GLIPR1L2: variants seen among roughly 807,000 people sequenced by gnomAD.
The protein encoded by GLIPR1L2 is GLIPR1-like protein 2.
Under a neutral mutation model 28.4 loss-of-function variants are expected in GLIPR1L2, and 21 were observed. That is an observed-to-expected ratio of 0.74 (90% CI 0.52 to 1.06). The LOEUF is 1.06. Among genes scored for constraint, GLIPR1L2 ranks in the 50% least tolerant of loss-of-function variants. The probability of loss-of-function intolerance (pLI) is 0.00; values close to 1 mark genes in which losing one functional copy is unlikely to be tolerated. For synonymous variants in GLIPR1L2, 145 were observed against 139.3 expected, an observed-to-expected ratio of 1.04 and a Z score of -0.29; for missense variants, 476 against 416.9, an observed-to-expected ratio of 1.14 and a Z score of -1.23.
intron 1 of GLIPR1L2, among the ~76,000 whole-genome samples, chr12:75,396,884 T>G (rs1331550010): frequency 6.6e-6 from 1 of 152,238 alleles, no homozygotes; most frequent in Non-Finnish European, 1.5e-5. Context: ...TTTAAATATT[T>G]TATATTTGCT....
At chr12:75,404,887 T>C (rs1232630507) in intron 1 of GLIPR1L2, among the ~76,000 whole-genome samples, 1 of 150,562 alleles carries the variant, frequency 6.6e-6, no homozygotes, top group Admixed American at 6.6e-5. Context: ...ATTAAATTAA[T>C]AGATATTCAT....
intron 1 of GLIPR1L2, 113 bp from the exon 2 acceptor site, chr12:75,410,321 C>T: frequency 1.0e-6 from 1 of 997,686 alleles, no homozygotes; most frequent in East Asian, 2.8e-5. Flanking sequence ...CCAAGATGCA[C>T]AAGTACAAAG....
chr12:75,429,416 T>C (rs2046067963), intron 4 of GLIPR1L2, among the ~76,000 whole-genome samples: 1 of 152,218 alleles, frequency 6.6e-6, no homozygotes, highest in Non-Finnish European at 1.5e-5. Context: ...TGTACCTTCA[T>C]TGTATCTTAG....
At position 75,422,963 on chromosome 12, in the gene GLIPR1L2, G is replaced by A. The variant is rs147932988; in HGVS notation, c.644G>A (p.Arg215His). The A allele has an allele frequency of 1.2e-5, 19 of 1,612,872 alleles. No homozygotes were observed. Among genetic ancestry groups the A allele is most frequent in the Admixed American group, 5.0e-5 (3 of 59,898 alleles). ...ATATTTTGTACTCGATGTGGCAGAC[G>A]TGACAAATGCACAGATTTTCTATGC... is the stretch of plus-strand genomic sequence containing the variant. ...PGIFCTRCGR[R>H]DKCTDFLCSN... Residue 215 changes from arginine (R) to histidine (H), a missense_variant, in exon 4 of 6, where the codon CGT (arginine) becomes CAT (histidine). Coordinates refer to ENST00000550916, the MANE Select transcript of GLIPR1L2 (RefSeq NM_001270396.2).
At position 75,431,855 on chromosome 12, in the gene GLIPR1L2, GATAAA is replaced by G. The variant is rs1337817646; in HGVS notation, c.*700_*704del. On this transcript the variant is annotated 3_prime_UTR_variant, in exon 6 of 6. Transcript: ENST00000550916. The stretch of plus-strand genomic sequence containing the variant: ...AATCTGGGTGCTTCCAAATTTATAT[GATAAA>G]ATAAATAAATTTTTTAAAAACTATT... 3.9e-5 allele frequency: 6 copies of G among 151,922 alleles called. No individual in the cohort carries two copies. The highest frequency in any genetic ancestry group is 1.4e-4 in the African/African-American group (6 of 41,382). 9.4% of individuals were successfully genotyped at this position (151,922 alleles called of 1,614,324 possible).
chr12:75,400,370 C>T (rs777188284), intron 1 of GLIPR1L2, among the ~76,000 whole-genome samples: 1 of 152,192 alleles, frequency 6.6e-6, no homozygotes, highest in Non-Finnish European at 1.5e-5. Flanking sequence ...GATCCTCCCG[C>T]CTTGGCCTCC....
chr12:75,418,056 A>C (rs973648835), intron 3 of GLIPR1L2, among the ~76,000 whole-genome samples: 3 of 152,060 alleles, frequency 2.0e-5, no homozygotes, highest in Non-Finnish European at 4.4e-5. Flanking sequence ...AAGACCTTTC[A>C]TTTAGTTAAA....
chr12:75,400,952 A>C (rs988110519), intron 1 of GLIPR1L2, among the ~76,000 whole-genome samples: 1 of 151,902 alleles, frequency 6.6e-6, no homozygotes, highest in African/African-American at 2.4e-5. Context: ...TTTGTTATTT[A>C]ATCATATGTA....
chr12:75,392,992 C>G (rs1431191647), intron 1 of GLIPR1L2, among the ~76,000 whole-genome samples: 1 of 151,910 alleles, frequency 6.6e-6, no homozygotes, highest in Non-Finnish European at 1.5e-5. Context: ...GTTTCTTTAG[C>G]AGATTTGGAC....
intron 2 of GLIPR1L2, among the ~76,000 whole-genome samples, chr12:75,411,057 ATTGT>A (rs2045861908): frequency 6.6e-6 from 1 of 151,838 alleles, no homozygotes; most frequent in South Asian, 2.1e-4. Flanking sequence ...TGTATAGCTG[ATTGT>A]TTAAAACATT....
chr12:75,391,140 C>T lies in GLIPR1L2; in HGVS notation c.24C>T (p.Ala8=), dbSNP rs962951287. The change falls in exon 1 of 6, where the codon GCC becomes GCT. Residue 8 remains alanine (A), a synonymous_variant. Coordinates refer to ENST00000550916, the MANE Select transcript of GLIPR1L2 (RefSeq NM_001270396.2). The stretch of plus-strand genomic sequence containing the variant: ...CCATGGAGGCCGCAAGGCCCTTCGC[C>T]CGGGAGTGGAGGGCCCAGTCCCTAC... MEAARPF[A]REWRAQSLPL... 3.7e-6 allele frequency: 6 copies of T among 1,613,738 alleles called. No individual in the cohort carries two copies. The highest frequency in any genetic ancestry group is 1.1e-5 in the South Asian group (1 of 91,086).
chr12:75,397,128 C>T (rs1356422156), intron 1 of GLIPR1L2, among the ~76,000 whole-genome samples: 1 of 152,104 alleles, frequency 6.6e-6, no homozygotes, highest in African/African-American at 2.4e-5. Context: ...TCCATTTTCT[C>T]CCTACAGTCC....
intron 1 of GLIPR1L2, among the ~76,000 whole-genome samples, chr12:75,396,147 C>T (rs2045679558): frequency 6.6e-6 from 1 of 151,804 alleles, no homozygotes; most frequent in Non-Finnish European, 1.5e-5. Flanking sequence ...GAGTGTGTTG[C>T]TTAGCATTAT....
chr12:75,395,750 C>G (rs984996168), intron 1 of GLIPR1L2, among the ~76,000 whole-genome samples: 1 of 151,850 alleles, frequency 6.6e-6, no homozygotes, highest in Non-Finnish European at 1.5e-5. Flanking sequence ...AGGAATAAGT[C>G]TTCTGTCTTT....
At chr12:75,406,393 G>GT (rs1206269015) in intron 1 of GLIPR1L2, among the ~76,000 whole-genome samples, 2 of 151,732 alleles carry the variant, frequency 1.3e-5, no homozygotes, top group Non-Finnish European at 2.9e-5. Flanking sequence ...CCTTTACTTT[G>GT]TTTTTTTAAA....
chr12:75,426,748 C>T (rs1237966092), intron 4 of GLIPR1L2, among the ~76,000 whole-genome samples: 1 of 152,134 alleles, frequency 6.6e-6, no homozygotes, highest in African/African-American at 2.4e-5. Flanking sequence ...ACAGTAAATG[C>T]TAAGAGATGG....
At chr12:75,430,598 A>G in intron 4 of GLIPR1L2, 117 bp from the exon 5 acceptor site, 1 of 922,374 alleles carries the variant, frequency 1.1e-6, no homozygotes, top group South Asian at 1.7e-5. Flanking sequence ...GAGGGAGGAC[A>G]TCAAAGATAA....
intron 2 of GLIPR1L2, among the ~76,000 whole-genome samples, chr12:75,412,793 C>G (rs1438933458): frequency 6.6e-6 from 1 of 152,002 alleles, no homozygotes; most frequent in Non-Finnish European, 1.5e-5. Flanking sequence ...GTGGCGATTC[C>G]TCAGGGATCT....
intron 1 of GLIPR1L2, among the ~76,000 whole-genome samples, chr12:75,394,780 A>AAAAAAAAC (rs1177061847): frequency 1.3e-5 from 2 of 151,290 alleles, no homozygotes; most frequent in Non-Finnish European, 3.0e-5. Flanking sequence ...AAAAAAAAAA[A>AAAAAAAAC]AAAACATTAT....
Sources: gnomAD v4.1 joint callset for allele counts (sites outside exome capture counted in the v4.1 genomes callset) on GRCh38, gnomAD v4.1.1 for gene constraint, MANE v1.5 for transcripts, NCBI Gene and HGNC (gene_info 2026-07-23, HGNC 2026-07-21) for gene names.